Variants in KDM2B observed in about 807,000 individuals in gnomAD.
The protein encoded by KDM2B is lysine-specific demethylase 2B.
KDM2B carries 26 observed loss-of-function variants against 150.0 expected under a neutral mutation model. The ratio of observed to expected loss-of-function variants is 0.17; its 90% confidence interval spans 0.13 to 0.24. The LOEUF is 0.24. KDM2B is among the 10% of genes least tolerant of loss of function. KDM2B has a pLI of 1.00. For synonymous variants in KDM2B, 734 were observed against 729.5 expected (o/e 1.01, Z -0.10); for missense variants, 1,265 against 1,816.9 (o/e 0.70, Z 5.52).
At chr12:121,580,261 G>A (rs1891864395) in intron 1 of KDM2B, 1 of 1,223,056 alleles carries the variant, frequency 8.2e-7, no homozygotes. Context: ...GTGGGGGGGG[G>A]GAGGCGTCGA....
intron 22 of KDM2B, among the ~76,000 whole-genome samples, chr12:121,434,115 G>C (rs973220046): frequency 1.3e-5 from 2 of 152,124 alleles, no homozygotes; most frequent in African/African-American, 4.8e-5. Context: ...GGAAGGTGGA[G>C]CCTGCAGTGA....
At chr12:121,510,825 C>T (rs887360080) in intron 10 of KDM2B, among the ~76,000 whole-genome samples, 1 of 143,076 alleles carries the variant, frequency 7.0e-6, no homozygotes, top group Non-Finnish European at 1.5e-5. Flanking sequence ...AATAATAATA[C>T]TAAAATAAAA....
chr12:121,520,898 A>C lies in KDM2B; in HGVS notation c.1047+87T>G. ...GGGAGGGAGAGGGGAACTGTGGAGG[A>C]CTTCAGTATGACCTGTCCCACACAC... On this transcript the variant is annotated intron_variant, in intron 9 of 22. Transcript: ENST00000377071. The surrounding 1 kb of genome is among the most constrained non-coding windows in gnomAD (Gnocchi z 4.5). 1 of 753,104 alleles carries C rather than the reference A, an allele frequency of 1.3e-6. No individual in the cohort carries two copies. Among genetic ancestry groups the C allele is most frequent in the Non-Finnish European group, 2.1e-6 (1 of 472,096 alleles). 46.7% of individuals were successfully genotyped at this position (753,104 alleles called of 1,614,324 possible).
Position 121,578,939 on chromosome 12 carries a change from A to G in KDM2B, c.134T>C (p.Ile45Thr). The G allele has an allele frequency of 6.2e-7, 1 of 1,612,078 alleles. No individual in the cohort carries two copies. The highest frequency in any genetic ancestry group is 8.5e-7 in the Non-Finnish European group (1 of 1,179,412). Residue 45 changes from isoleucine to threonine, a missense_variant, in exon 2 of 23, where the codon ATT (isoleucine) becomes ACT (threonine). By Grantham distance (89) the Ile-to-Thr change is moderately conservative. Coordinates refer to ENST00000377071, the MANE Select transcript of KDM2B (RefSeq NM_032590.5). ...GTTCTCGTCGTATCGCTGGCGGTCA[A>G]TCGGGCGCTGCGAGGACCCAAACCA... The part of the protein sequence containing the change: ...FEFESATQRP[I>T]DRQRYDENED...
intron 22 of KDM2B, among the ~76,000 whole-genome samples, chr12:121,436,615 G>T (rs980389668): frequency 6.6e-6 from 1 of 152,072 alleles, no homozygotes; most frequent in Non-Finnish European, 1.5e-5. Context: ...GGGAAGACAG[G>T]AATCAGAGGA....
chr12:121,475,055 G>T (rs1555296502), intron 12 of KDM2B, among the ~76,000 whole-genome samples: 1 of 152,114 alleles, frequency 6.6e-6, no homozygotes, highest in African/African-American at 2.4e-5. Flanking sequence ...GGAGCAACAG[G>T]CTTTACCATA....
At chr12:121,487,730 C>T (rs1882916972) in intron 12 of KDM2B, among the ~76,000 whole-genome samples, 2 of 152,032 alleles carry the variant, frequency 1.3e-5, no homozygotes, top group Admixed American at 6.6e-5. Flanking sequence ...ACCATCACTC[C>T]CCTCCAAAGA....
At chr12:121,552,586 T>C (rs1465861917) in intron 4 of KDM2B, among the ~76,000 whole-genome samples, 2 of 151,296 alleles carry the variant, frequency 1.3e-5, no homozygotes, top group Admixed American at 6.6e-5. Context: ...GGTAGGAGAA[T>C]TGCTTGAACC....
At chr12:121,433,221 ACTTT>A in intron 22 of KDM2B, 1 of 456,614 alleles carries the variant, frequency 2.2e-6, no homozygotes, top group Non-Finnish European at 4.4e-6. Context: ...GAAGGAAAAG[ACTTT>A]CTTTGGTCCC....
intron 4 of KDM2B, among the ~76,000 whole-genome samples, chr12:121,559,539 T>C (rs879992770): frequency 2.6e-5 from 4 of 152,062 alleles, no homozygotes; most frequent in Admixed American, 2.6e-4. Context: ...GGCACGGTGA[T>C]AGCAACAGAG....
intron 13 of KDM2B, 60 bp from the exon 14 acceptor site, chr12:121,445,478 G>T: frequency 6.6e-7 from 1 of 1,507,850 alleles, no homozygotes; most frequent in East Asian, 2.4e-5. Context: ...ACCCCCAGGG[G>T]GGCCAGTTCA....
intron 4 of KDM2B, among the ~76,000 whole-genome samples, chr12:121,551,804 C>A (rs2142056237): frequency 6.6e-6 from 1 of 152,258 alleles, no homozygotes; most frequent in East Asian, 1.9e-4. Flanking sequence ...CCGCCCGCCT[C>A]AGCCTCCCAA....
intron 9 of KDM2B, chr12:121,516,884 A>AT (rs11451925): frequency 1.5e-6 from 1 of 668,802 alleles, no homozygotes; most frequent in Non-Finnish European, 2.7e-6. Context: ...AAAAAAAAAA[A>AT]TCAATGGAAA....
chr12:121,428,199 TTC>T (rs1259157831), downstream of KDM2B, among the ~76,000 whole-genome samples: 1 of 152,010 alleles, frequency 6.6e-6, no homozygotes, highest in Non-Finnish European at 1.5e-5. Context: ...GATGAGATCT[TTC>T]TCTTTTTTTT....
chr12:121,449,118 G>T (rs10849886), intron 13 of KDM2B, among the ~76,000 whole-genome samples: 78,129 of 151,008 alleles, frequency 0.52, 20,408 homozygotes, highest in East Asian at 0.67. Flanking sequence ...ATGGCAGAAC[G>T]GGCTCTGAGC....
rs906019150 is a variant in KDM2B at position 121,458,681 on chromosome 12, A to G, written c.1735-5337T>C. On this transcript the variant is annotated intron_variant, in intron 12 of 22. Transcript: ENST00000377071. ...CCAGGCATGGTGGCACGTGCCTGTAATCCCAGCTACTTGGGAGGCTGAGGC... is the reference window on the plus strand; with the variant it reads ...CCAGGCATGGTGGCACGTGCCTGTAGTCCCAGCTACTTGGGAGGCTGAGGC... Among the ~76,000 whole-genome samples, 14 of 152,200 alleles carry G rather than the reference A, an allele frequency of 9.2e-5. No homozygotes were observed. In the Middle Eastern group the frequency reaches 0.01, roughly 111 times the overall value.
chr12:121,422,899 A>G, the KDM2B span, among the ~76,000 whole-genome samples: 2 of 147,346 alleles, frequency 1.4e-5, no homozygotes, highest in Admixed American at 1.3e-4. Context: ...ATGCACAATT[A>G]TTCCTAACTT....
chr12:121,501,910 C>T (rs1159337123), intron 11 of KDM2B, among the ~76,000 whole-genome samples: 2 of 152,024 alleles, frequency 1.3e-5, no homozygotes, highest in African/African-American at 2.4e-5. Context: ...CGTGAGCCAC[C>T]GTGCCTAGCC....
At chr12:121,505,370 G>A (rs1486336478) in intron 11 of KDM2B, among the ~76,000 whole-genome samples, 4 of 151,302 alleles carry the variant, frequency 2.6e-5, no homozygotes, top group Admixed American at 6.6e-5. Flanking sequence ...ATTGTGTTAC[G>A]TGTGTCTTAC....
Sources: gnomAD v4.1 joint callset for allele counts (sites outside exome capture counted in the v4.1 genomes callset) on GRCh38, gnomAD v4.1.1 for gene constraint, Gnocchi (gnomAD v3.1) non-coding constraint, MANE v1.5 for transcripts, NCBI Gene and HGNC (gene_info 2026-07-23, HGNC 2026-07-21) for gene names.